The following DCLK1 variants were observed in gnomAD, a reference collection of about 807,000 sequenced individuals.
The protein encoded by DCLK1 is serine/threonine-protein kinase DCLK1.
A neutral mutation model predicts 86.2 loss-of-function variants in DCLK1; 16 were observed. That is an observed-to-expected ratio of 0.19 (90% CI 0.13 to 0.28). DCLK1 has a LOEUF of 0.28. Among genes scored for constraint, DCLK1 ranks in the 10% least tolerant of loss-of-function variants. The pLI, the probability that DCLK1 is intolerant of heterozygous loss-of-function variation, is 1.00. For missense variants in DCLK1, 590 were observed against 940.2 expected (o/e 0.63, Z 4.87); for synonymous variants, 369 against 370.5 (o/e 1.00, Z 0.05).
intron 5 of DCLK1, chr13:35,869,153 C>T (rs764758270): frequency 5.9e-6 from 3 of 507,666 alleles, no homozygotes; most frequent in African/African-American, 5.8e-5. Flanking sequence ...GAACATCCTC[C>T]ACAGAGCTCA....
At chr13:35,930,618 A>C (rs1275544675) in intron 4 of DCLK1, among the ~76,000 whole-genome samples, 1 of 150,874 alleles carries the variant, frequency 6.6e-6, no homozygotes, top group Non-Finnish European at 1.5e-5. Context: ...AAACAAACAA[A>C]AACAAACAAA....
In DCLK1 at chr13:35,816,712, A is replaced by T. The variant is rs896001070; in HGVS notation, c.1555-5744T>A. On this transcript the variant is annotated intron_variant, in intron 11 of 16. Transcript: ENST00000360631. ...CAGATATGTCTGAGTCCAAGAGTCT[A>T]ACCAGGATGTCCTGCCACTACTGGT... is the stretch of plus-strand genomic sequence containing the variant. Among the ~76,000 whole-genome samples, 5 of 152,336 alleles carry T rather than the reference A, an allele frequency of 3.3e-5. No individual in the cohort carries two copies. The East Asian group carries it at 9.7e-4, about 29-fold the overall frequency.
rs1425165393 is a variant in DCLK1 at position 35,773,265 on chromosome 13, C to T, written c.*1270G>A. 1.3e-5 allele frequency: 2 copies of T among 152,424 alleles called. No homozygotes were observed. The highest frequency in any genetic ancestry group is 2.9e-5 in the Non-Finnish European group (2 of 68,040). The allele number at this position is 152,424 out of a possible 1,614,324, so 9.4% of individuals were successfully genotyped here. ...CCAAAGACAGAAAAAACACTCTGAC[C>T]TCCTGGACAGCTAAAGACAGTGGTA... On this transcript the variant is annotated 3_prime_UTR_variant, in exon 17 of 17. Transcript: ENST00000360631.
intron 3 of DCLK1, among the ~76,000 whole-genome samples, chr13:35,975,119 A>C (rs1197918052): frequency 1.3e-5 from 2 of 152,208 alleles, no homozygotes; most frequent in East Asian, 3.9e-4. Context: ...AGACTAGGTC[A>C]GGTCTTACAC....
chr13:36,030,896 C>T (rs751002464), intron 3 of DCLK1, among the ~76,000 whole-genome samples: 6 of 152,104 alleles, frequency 3.9e-5, no homozygotes, highest in South Asian at 4.1e-4. Flanking sequence ...CCCACAATGC[C>T]GGCCCAGCAC....
At chr13:35,801,362 G>GA (rs1026683191) in intron 15 of DCLK1, among the ~76,000 whole-genome samples, 8 of 152,032 alleles carry the variant, frequency 5.3e-5, no homozygotes, top group African/African-American at 1.9e-4. Flanking sequence ...TTCAGATGAA[G>GA]AAAAAATCCG....
At chr13:35,795,252 A>G (rs922580574) in intron 15 of DCLK1, among the ~76,000 whole-genome samples, 10 of 152,188 alleles carry the variant, frequency 6.6e-5, no homozygotes, top group Admixed American at 6.5e-4. Context: ...TGCAAGTGGG[A>G]AGCCACAAAG....
intron 4 of DCLK1, among the ~76,000 whole-genome samples, chr13:35,942,310 G>A (rs1360012764): frequency 6.6e-6 from 1 of 152,054 alleles, no homozygotes; most frequent in Non-Finnish European, 1.5e-5. Context: ...GGGACTACAG[G>A]TGCATGCCAC....
intron 3 of DCLK1, among the ~76,000 whole-genome samples, chr13:36,073,408 T>C (rs1351964446): frequency 3.9e-5 from 6 of 152,140 alleles, no homozygotes; most frequent in Non-Finnish European, 8.8e-5. Context: ...GGTATCATTA[T>C]TTGCCCAATT....
chr13:35,885,750 C>T lies in DCLK1; in HGVS notation c.824-14410G>A, dbSNP rs372666889. On this transcript the variant is annotated intron_variant, in intron 4 of 16. Coordinates refer to ENST00000360631, the MANE Select transcript of DCLK1 (RefSeq NM_001330071.2). ...ATATTTTTATATATAACTCAGGTTG[C>T]TGATTTGTCATCTAAAAATGAAAAT... 7.7e-4 allele frequency among the ~76,000 whole-genome samples: 117 copies of T among 152,262 alleles called. 2 individuals carry two copies. The South Asian group carries it at 0.023, about 30-fold the overall frequency.
chr13:35,877,738 C>T (rs1288106347), intron 4 of DCLK1, among the ~76,000 whole-genome samples: 1 of 152,158 alleles, frequency 6.6e-6, no homozygotes, highest in African/African-American at 2.4e-5. Context: ...GTGCTTTCTA[C>T]CATACCCTGA....
rs920101682 is a variant in DCLK1 at position 35,923,534 on chromosome 13, G to C, written c.823+23824C>G. ...CAGGAGGCTTAGGAGGGAGCAGTGGGGGGTAGAGAGGCTATGGGACAAATG... is the reference window on the plus strand; with the variant it reads ...CAGGAGGCTTAGGAGGGAGCAGTGGCGGGTAGAGAGGCTATGGGACAAATG... On this transcript the variant is annotated intron_variant, in intron 4 of 16. Coordinates refer to ENST00000360631, the MANE Select transcript of DCLK1 (RefSeq NM_001330071.2). 3.9e-5 allele frequency among the ~76,000 whole-genome samples: 6 copies of C among 152,022 alleles called. No individual in the cohort carries two copies. The South Asian group carries it at 6.2e-4, about 16-fold the overall frequency.
chr13:35,821,098 C>T (rs2087383215), intron 11 of DCLK1, among the ~76,000 whole-genome samples: 1 of 152,160 alleles, frequency 6.6e-6, no homozygotes, highest in Admixed American at 6.5e-5. Flanking sequence ...TAGGTTGAGA[C>T]CTTGGCTCTT....
intron 3 of DCLK1, among the ~76,000 whole-genome samples, chr13:35,951,119 T>C (rs1320434371): frequency 6.6e-6 from 1 of 152,036 alleles, no homozygotes; most frequent in Non-Finnish European, 1.5e-5. Context: ...AAGTTAAAGT[T>C]CATCTTTCTG....
intron 4 of DCLK1, among the ~76,000 whole-genome samples, chr13:35,931,880 C>A (rs1876452996): frequency 6.6e-6 from 1 of 152,116 alleles, no homozygotes; most frequent in Non-Finnish European, 1.5e-5. Flanking sequence ...ATACACAGGA[C>A]CAATCTCAAG....
At position 36,116,449 on chromosome 13, in the gene DCLK1, T is replaced by G. The variant is rs180942023; in HGVS notation, c.377-4234A>C. 7.0e-4 allele frequency among the ~76,000 whole-genome samples: 106 copies of G among 152,270 alleles called. 2 individuals carry two copies. The highest frequency in any genetic ancestry group is 1.3e-4 in the Non-Finnish European group (9 of 68,012). The stretch of plus-strand genomic sequence containing the variant: ...GACAATGTGGTACCTGTTCCCTGGG[T>G]GACTGGGCCTGCAGTGTGTCAGCTA... On this transcript the variant is annotated intron_variant, in intron 2 of 16. Coordinates refer to ENST00000360631, the MANE Select transcript of DCLK1 (RefSeq NM_001330071.2).
Position 36,101,817 on chromosome 13 carries a change from C to G in DCLK1, c.723+10052G>C, listed in dbSNP as rs115277269. Among the ~76,000 whole-genome samples the G allele has an allele frequency of 5.0e-3, 761 of 152,248 alleles. 4 individuals carry two copies. The highest frequency in any genetic ancestry group is 0.017 in the Middle Eastern group (5 of 292). On this transcript the variant is annotated intron_variant, in intron 3 of 16. Transcript: ENST00000360631. ...GGAGTGCAATGGCACCATCTAGCCT[C>G]ACTGCAACCTCCGCCTTCAAGTTTC...
At chr13:35,975,889 A>G (rs1300306763) in intron 3 of DCLK1, among the ~76,000 whole-genome samples, 1 of 152,156 alleles carries the variant, frequency 6.6e-6, no homozygotes, top group Non-Finnish European at 1.5e-5. Context: ...TCGTGATTTG[A>G]AAACTTCCAC....
intron 3 of DCLK1, among the ~76,000 whole-genome samples, chr13:36,064,380 C>T (rs931059210): frequency 2.0e-5 from 3 of 152,018 alleles, no homozygotes; most frequent in East Asian, 1.9e-4. Flanking sequence ...TAGGGGGTGG[C>T]GTGGGCGTGG....
Sources: allele counts gnomAD v4.1 joint callset (sites outside exome capture counted in the v4.1 genomes callset), GRCh38; gene constraint gnomAD v4.1.1; transcripts MANE v1.5; gene names NCBI Gene and HGNC (gene_info 2026-07-23, HGNC 2026-07-21).